DCP2: variants seen among roughly 807,000 people sequenced by gnomAD.
DCP2 encodes m7GpppN-mRNA hydrolase.
In DCP2, 30 loss-of-function variants were observed where a neutral mutation model predicts 56.1. The observed-to-expected ratio is 0.53, with a 90% CI of 0.40 to 0.73. DCP2 has a LOEUF of 0.73. Among genes scored for constraint, DCP2 ranks in the 30% least tolerant of loss-of-function variants. The pLI is 0.00. For synonymous variants in DCP2, 197 were observed against 163.3 expected, an observed-to-expected ratio of 1.21 and a Z score of -1.57; for missense variants, 533 against 502.7, an observed-to-expected ratio of 1.06 and a Z score of -0.58.
rs144363037 is a variant in DCP2, at chr5:113,016,310, C to T, written c.*2826C>T. On this transcript the variant is annotated 3_prime_UTR_variant, in exon 11 of 11. Transcript: ENST00000389063. Reference sequence around the variant, plus strand: ...GGAGAGGCCTGAGAACCTAATAGAACTCATATAGTGTGAGTGAAATTTGAT... The same window carrying T: ...GGAGAGGCCTGAGAACCTAATAGAATTCATATAGTGTGAGTGAAATTTGAT... 369 of 152,658 alleles carry T rather than the reference C, an allele frequency of 2.4e-3. 6 individuals are homozygous for T. Among genetic ancestry groups the T allele is most frequent in the African/African-American group, 7.9e-3 (328 of 41,542 alleles). The allele number at this position is 152,658 out of a possible 1,614,324, so 9.5% of individuals were successfully genotyped here. A position where few individuals can be genotyped will look rare whatever the true frequency, so the allele number is the denominator to read the frequency against.
intron 10 of DCP2, among the ~76,000 whole-genome samples, chr5:113,012,891 C>T (rs920312829): frequency 6.6e-6 from 1 of 152,152 alleles, no homozygotes. Context: ...ATCTGCCCTC[C>T]TTGGCCTCCC....
At chr5:112,995,638 C>G (rs762208377) in intron 4 of DCP2, among the ~76,000 whole-genome samples, 1 of 152,128 alleles carries the variant, frequency 6.6e-6, no homozygotes. Flanking sequence ...AAAATTCTAA[C>G]CTCTAAACAT....
At chr5:113,012,607 GA>G (rs1330802821) in intron 10 of DCP2, among the ~76,000 whole-genome samples, 1 of 152,060 alleles carries the variant, frequency 6.6e-6, no homozygotes, top group East Asian at 1.9e-4. Flanking sequence ...GTTGTACTAT[GA>G]TTTGGAAAAT....
intron 2 of DCP2, among the ~76,000 whole-genome samples, chr5:112,987,918 C>G (rs1200257037): frequency 1.3e-5 from 2 of 151,974 alleles, no homozygotes; most frequent in Admixed American, 6.6e-5. Context: ...TGCTACCGCA[C>G]CTGGCCAGGT....
At chr5:113,006,223 A>G (rs1337492767) in intron 8 of DCP2, among the ~76,000 whole-genome samples, 4 of 152,278 alleles carry the variant, frequency 2.6e-5, no homozygotes, top group Middle Eastern at 3.4e-3. Context: ...TAAATATCGT[A>G]TTAATGTTAT....
intron 4 of DCP2, among the ~76,000 whole-genome samples, chr5:112,997,964 C>T (rs909069765): frequency 6.6e-6 from 1 of 152,030 alleles, no homozygotes; most frequent in Non-Finnish European, 1.5e-5. Context: ...TATCTGCTAA[C>T]ATTTGAGAAG....
chr5:113,010,032 CTCT>C (rs1435823279), intron 9 of DCP2, among the ~76,000 whole-genome samples: 6 of 136,640 alleles, frequency 4.4e-5, no homozygotes, highest in Non-Finnish European at 9.6e-5. Context: ...CTTGCCTCAG[CTCT>C]TTTTTTTTTT....
intron 7 of DCP2, among the ~76,000 whole-genome samples, chr5:113,003,301 C>A (rs748029697): frequency 5.9e-5 from 9 of 152,198 alleles, no homozygotes; most frequent in Non-Finnish European, 1.2e-4. Context: ...GAGACTGGAT[C>A]TTTACTTAAT....
Position 113,001,691 on chromosome 5 carries a change from A to G in DCP2, c.806+17A>G. 3 of 1,595,774 alleles carry G rather than the reference A, an allele frequency of 1.9e-6. No homozygotes were observed. Among genetic ancestry groups the G allele is most frequent in the Non-Finnish European group, 1.7e-6 (2 of 1,163,866 alleles). ...AAAATTGAGGTAAAGAAATACATTC[A>G]TGGAATCCTGATTTTCTAATAGTTT... On this transcript the variant is annotated intron_variant, in intron 7 of 10. Coordinates refer to ENST00000389063, the MANE Select transcript of DCP2 (RefSeq NM_152624.6).
At position 112,978,568 on chromosome 5, in the gene DCP2, T is replaced by G. The variant is rs147420433; in HGVS notation, c.53+1582T>G. Reference sequence around the variant, plus strand: ...ACATACAGAAAAGTAAATAGCCTAATTTTGCAACTAATACAAATGGCGCTG... The same window carrying G: ...ACATACAGAAAAGTAAATAGCCTAAGTTTGCAACTAATACAAATGGCGCTG... On this transcript the variant is annotated intron_variant, in intron 1 of 10. Coordinates refer to ENST00000389063, the MANE Select transcript of DCP2 (RefSeq NM_152624.6). Among the ~76,000 whole-genome samples, 1,442 of 152,236 alleles carry G rather than the reference T, an allele frequency of 9.5e-3. 24 individuals are homozygous for G. Among genetic ancestry groups the G allele is most frequent in the African/African-American group, 0.033 (1,382 of 41,532 alleles).
chr5:113,017,346 G>A lies in DCP2; in HGVS notation c.*3862G>A, dbSNP rs576865735. The A allele has an allele frequency of 1.1e-4, 16 of 152,206 alleles. No homozygotes were observed. The highest frequency in any genetic ancestry group is 1.8e-4 in the Non-Finnish European group (12 of 68,006). 9.4% of individuals were successfully genotyped at this position (152,206 alleles called of 1,614,324 possible). A position where few individuals can be genotyped will look rare whatever the true frequency, so the allele number is the denominator to read the frequency against. ...GGTATCCTTTACATACCTGTCTGTA[G>A]GTAAGCAAGTGTTAGTAAAAACAAT... On this transcript the variant is annotated 3_prime_UTR_variant, in exon 11 of 11. Transcript: ENST00000389063.
intron 9 of DCP2, among the ~76,000 whole-genome samples, chr5:113,009,232 G>C (rs1165468752): frequency 6.6e-6 from 1 of 152,144 alleles, no homozygotes; most frequent in Admixed American, 6.5e-5. Flanking sequence ...AAAATTCTTT[G>C]TAGATTTTTT....
At position 113,021,880 on chromosome 5, in the gene DCP2, A is replaced by G. The variant is rs907870583; in HGVS notation, c.*8396A>G. 3.9e-5 allele frequency among the ~76,000 whole-genome samples: 6 copies of G among 152,214 alleles called. No homozygotes were observed. The highest frequency in any genetic ancestry group is 5.9e-5 in the Non-Finnish European group (4 of 68,036). On this transcript the variant is annotated 3_prime_UTR_variant, in exon 11 of 11. Transcript: ENST00000389063. The stretch of plus-strand genomic sequence containing the variant: ...GAGGGGAAAAGACTCTCTTCAATAG[A>G]TAACTTCCTATTTATGCCAAATTTT...
intron 4 of DCP2, 130 bp downstream of exon 4, chr5:112,992,900 A>AT (rs1748658431): frequency 3.9e-5 from 17 of 435,908 alleles, no homozygotes; most frequent in South Asian, 1.4e-4. Flanking sequence ...GAAGTAACTT[A>AT]CTTTTTTTTT....
At chr5:112,979,158 G>A (rs1391407144) in intron 1 of DCP2, among the ~76,000 whole-genome samples, 1 of 152,108 alleles carries the variant, frequency 6.6e-6, no homozygotes, top group Non-Finnish European at 1.5e-5. Flanking sequence ...ATTTTTGAAT[G>A]GAGTAACATT....
At position 113,013,946 on chromosome 5, in the gene DCP2, G is replaced by T. The variant is rs1049379981; in HGVS notation, c.*462G>T. On this transcript the variant is annotated 3_prime_UTR_variant, in exon 11 of 11. Coordinates refer to ENST00000389063, the MANE Select transcript of DCP2 (RefSeq NM_152624.6). ...GATGTCACATTCGTCAGCATTACAG[G>T]TGATCTATTTTGGTGGCATTTTGTA... 1 of 153,104 alleles carries T rather than the reference G, an allele frequency of 6.5e-6. No individual in the cohort carries two copies. Among genetic ancestry groups the T allele is most frequent in the African/African-American group, 2.4e-5 (1 of 41,450 alleles). The allele number at this position is 153,104 out of a possible 1,614,324, so 9.5% of individuals were successfully genotyped here. A position where few individuals can be genotyped will look rare whatever the true frequency, so the allele number is the denominator to read the frequency against.
rs1355631594 is a variant in DCP2 at position 113,016,003 on chromosome 5, G to C, written c.*2519G>C. 1 of 152,622 alleles carries C rather than the reference G, an allele frequency of 6.6e-6. No individual in the cohort carries two copies. Among genetic ancestry groups the C allele is most frequent in the Non-Finnish European group, 1.5e-5 (1 of 68,030 alleles). The allele number at this position is 152,622 out of a possible 1,614,324, so 9.5% of individuals were successfully genotyped here. ...CATTATGTTTTATGTCTTTGAGAGAGATACAGGTCTTGGAATTCACTTTTT... is the reference window on the plus strand; with the variant it reads ...CATTATGTTTTATGTCTTTGAGAGACATACAGGTCTTGGAATTCACTTTTT... On this transcript the variant is annotated 3_prime_UTR_variant, in exon 11 of 11. Transcript: ENST00000389063.
At chr5:112,995,809 C>G (rs1246550969) in intron 4 of DCP2, among the ~76,000 whole-genome samples, 1 of 152,166 alleles carries the variant, frequency 6.6e-6, no homozygotes. Context: ...CTGTTTTAGT[C>G]TGTGAGGGCT....
chr5:112,994,699 T>G (rs1333786836), intron 4 of DCP2, among the ~76,000 whole-genome samples: 1 of 152,184 alleles, frequency 6.6e-6, no homozygotes, highest in Admixed American at 6.5e-5. Context: ...ATAGGAAGTA[T>G]GATATAAGGG....
Sources: gnomAD v4.1 joint callset for allele counts (sites outside exome capture counted in the v4.1 genomes callset) on GRCh38, gnomAD v4.1.1 for gene constraint, MANE v1.5 for transcripts, NCBI Gene and HGNC (gene_info 2026-07-23, HGNC 2026-07-21) for gene names.